The following RGS3 variants were observed in gnomAD, a reference collection of about 807,000 sequenced individuals.
The protein encoded by RGS3 is regulator of G-protein signalling 3.
A neutral mutation model predicts 132.6 loss-of-function variants in RGS3; 80 were observed. That is an observed-to-expected ratio of 0.60 (90% CI 0.50 to 0.73). RGS3 has a LOEUF of 0.73. RGS3 is among the 30% of genes least tolerant of loss of function. The pLI is 0.00. For synonymous variants in RGS3, 598 were observed against 620.6 expected (o/e 0.96, Z 0.54); for missense variants, 1,382 against 1,530.8 (o/e 0.90, Z 1.62).
At chr9:113,511,052 G>A (rs1417160702) in intron 14 of RGS3, among the ~76,000 whole-genome samples, 1 of 152,194 alleles carries the variant, frequency 6.6e-6, no homozygotes, top group Non-Finnish European at 1.5e-5. Flanking sequence ...GAATAGGAGG[G>A]AGAGTTAAGC....
At chr9:113,583,924 G>T in exon 20 of RGS3, 2 of 1,614,074 alleles carry the variant, frequency 1.2e-6, no homozygotes, top group Non-Finnish European at 1.7e-6. Flanking sequence ...GAGCTCCGGG[G>T]ACCTACTAGC....
At chr9:113,594,070 C>G (rs1219126368) in intron 21 of RGS3, 5 of 1,613,042 alleles carry the variant, frequency 3.1e-6, no homozygotes, top group East Asian at 2.2e-5. Context: ...CCTCCTGGTC[C>G]CTCCCATTTC....
chr9:113,455,830 A>G (rs927274968), upstream of RGS3, among the ~76,000 whole-genome samples: 1 of 152,160 alleles, frequency 6.6e-6, no homozygotes, highest in African/African-American at 2.4e-5. Context: ...ATAAAATACC[A>G]CTTAACAAAG....
chr9:113,568,147 A>G (rs1484745362), intron 19 of RGS3, among the ~76,000 whole-genome samples: 3 of 152,242 alleles, frequency 2.0e-5, no homozygotes, highest in African/African-American at 7.2e-5. Context: ...GTGACATGCG[A>G]CTCAGCAGGA....
chr9:113,478,737 A>C (rs1281458601), intron 3 of RGS3: 1 of 152,206 alleles, frequency 6.6e-6, no homozygotes, highest in Non-Finnish European at 1.5e-5. Context: ...GCTTGAGCCC[A>C]GGAGGTTGAA....
intron 3 of RGS3, among the ~76,000 whole-genome samples, chr9:113,469,300 CT>C (rs774169732): frequency 1.3e-5 from 2 of 152,144 alleles, no homozygotes; most frequent in African/African-American, 2.4e-5. Flanking sequence ...TCCAGTCCCA[CT>C]GCTCTGAGCC....
chr9:113,570,287 T>C (rs1319226650), intron 19 of RGS3: 2 of 152,082 alleles, frequency 1.3e-5, no homozygotes, highest in African/African-American at 4.8e-5. Flanking sequence ...GTAGGTGAGG[T>C]GCTTGGCGTG....
Position 113,575,953 on chromosome 9 carries a change from TGA to T in RGS3, c.2038-7496_2038-7495del, listed in dbSNP as rs1834502969. Among the ~76,000 whole-genome samples the T allele has an allele frequency of 2.0e-5, 3 of 152,104 alleles. No individual in the cohort carries two copies. The South Asian group carries it at 6.2e-4, about 31-fold the overall frequency. Reference sequence around the variant, plus strand: ...AGTGCAGGTTCCGATCCAGTGGGTGTGAATTGAGGTTTACGAATGTGTATTTT... The same window carrying T: ...AGTGCAGGTTCCGATCCAGTGGGTGTATTGAGGTTTACGAATGTGTATTTT... On this transcript the variant is annotated intron_variant, in intron 19 of 24. Transcript: ENST00000350696.
At chr9:113,454,071 C>T (rs565406967) in intron 1 of RGS3, among the ~76,000 whole-genome samples, 145 of 152,164 alleles carry the variant, frequency 9.5e-4, no homozygotes, top group African/African-American at 3.4e-3. Context: ...GCCTCAGCTG[C>T]TCAATGTGCT....
At chr9:113,538,981 C>A (rs555310901) in intron 19 of RGS3, among the ~76,000 whole-genome samples, 1 of 152,348 alleles carries the variant, frequency 6.6e-6, no homozygotes, top group East Asian at 1.9e-4. Flanking sequence ...CCTATCACCA[C>A]CATGCACATG....
Position 113,582,038 on chromosome 9 carries a change from G to A in RGS3, c.2038-1412G>A, listed in dbSNP as rs557864481. On this transcript the variant is annotated intron_variant, in intron 19 of 24. Coordinates refer to ENST00000350696, the Ensembl canonical transcript of RGS3. The stretch of plus-strand genomic sequence containing the variant: ...CCAGGCTGTGGCTCTTACCCGTGCC[G>A]AGCTTTCACATCCGCTCACATCTGT... 11 of 985,350 alleles carry A rather than the reference G, an allele frequency of 1.1e-5. No individual in the cohort carries two copies. In the South Asian group the frequency reaches 4.2e-4, roughly 38 times the overall value. 61.0% of individuals were successfully genotyped at this position (985,350 alleles called of 1,614,324 possible).
At chr9:113,582,242 GGTAA>G (rs746430672) in intron 19 of RGS3, 25 of 980,560 alleles carry the variant, frequency 2.5e-5, no homozygotes, top group African/African-American at 3.5e-5. Flanking sequence ...TACAATAGTG[GGTAA>G]GTCACCGGCC....
intron 17 of RGS3, among the ~76,000 whole-genome samples, chr9:113,525,063 C>T (rs1214041460): frequency 6.6e-6 from 1 of 152,104 alleles, no homozygotes; most frequent in African/African-American, 2.4e-5. Flanking sequence ...TGAGGATGGC[C>T]AAGGCAGTAC....
chr9:113,582,380 G>A (rs928165385), intron 19 of RGS3: 10 of 187,782 alleles, frequency 5.3e-5, no homozygotes, highest in Non-Finnish European at 8.0e-5. Flanking sequence ...GTGCCCGCAG[G>A]TGCACACATT....
chr9:113,499,865 T>C (rs1830812437), intron 10 of RGS3, among the ~76,000 whole-genome samples: 1 of 152,252 alleles, frequency 6.6e-6, no homozygotes, highest in African/African-American at 2.4e-5. Flanking sequence ...CAGAGAAACT[T>C]GCCAGGAGTA....
chr9:113,470,827 T>A (rs936010047), intron 3 of RGS3, among the ~76,000 whole-genome samples: 1 of 152,058 alleles, frequency 6.6e-6, no homozygotes, highest in African/African-American at 2.4e-5. Flanking sequence ...TAGCTGGGCA[T>A]GATGGTGTGC....
At chr9:113,572,292 A>C (rs576409093) in intron 19 of RGS3, among the ~76,000 whole-genome samples, 45 of 152,238 alleles carry the variant, frequency 3.0e-4, no homozygotes, top group African/African-American at 1.0e-3. Context: ...AGAAAGTCTC[A>C]TGACAGAGGG....
intron 1 of RGS3, among the ~76,000 whole-genome samples, chr9:113,451,203 G>T (rs915608256): frequency 1.4e-5 from 2 of 147,822 alleles, no homozygotes; most frequent in Admixed American, 6.7e-5. Flanking sequence ...AAAAAAAAAA[G>T]GTGGGGGCAG....
chr9:113,537,103 C>T lies in RGS3; in HGVS notation c.2037+185C>T, dbSNP rs1245830168. Among the ~76,000 whole-genome samples the T allele has an allele frequency of 1.3e-5, 2 of 152,228 alleles. No homozygotes were observed. The highest frequency in any genetic ancestry group is 2.4e-5 in the African/African-American group (1 of 41,458). ...CCCCCTTGGCATGTCATTGGGTCTG[C>T]TGAGTGGGTCTGACAGTGCTCGTGT... is the stretch of plus-strand genomic sequence containing the variant. On this transcript the variant is annotated intron_variant, in intron 19 of 24. Transcript: ENST00000350696. This position sits in a 1 kb window ranked among gnomAD's most constrained non-coding sequence, Gnocchi z 4.3.
Sources: gnomAD v4.1 joint callset for allele counts (sites outside exome capture counted in the v4.1 genomes callset) on GRCh38, gnomAD v4.1.1 for gene constraint, Gnocchi (gnomAD v3.1) non-coding constraint, MANE v1.5 for transcripts, NCBI Gene and HGNC (gene_info 2026-07-23, HGNC 2026-07-21) for gene names.